PKIB: variants seen among roughly 807,000 people sequenced by gnomAD.
PKIB encodes the protein PKI-beta.
In PKIB, 2 loss-of-function variants were observed where a neutral mutation model predicts 4.5. That is an observed-to-expected ratio of 0.44 (90% CI 0.18 to 1.39). The LOEUF is 1.39. Ranked by LOEUF, PKIB falls within the 40% of genes most tolerant of loss-of-function variation. The pLI is 0.27. For synonymous variants in PKIB, 38 were observed against 36.0 expected (o/e 1.06, Z -0.20); for missense variants, 94 against 92.6 (o/e 1.02, Z -0.06).
intron 2 of PKIB, among the ~76,000 whole-genome samples, chr6:122,501,297 G>GTAGCCCATTA (rs1776227996): frequency 6.6e-6 from 1 of 152,202 alleles, no homozygotes; most frequent in Non-Finnish European, 1.5e-5. Context: ...GGGGCTACAG[G>GTAGCCCATTA]CATTGGGTAA....
At chr6:122,615,055 AG>A (rs1301152454) in intron 1 of PKIB, among the ~76,000 whole-genome samples, 1 of 152,138 alleles carries the variant, frequency 6.6e-6, no homozygotes, top group Non-Finnish European at 1.5e-5. Context: ...GTTTGCAAAA[AG>A]TCTATCAAGC....
intron 3 of PKIB, among the ~76,000 whole-genome samples, chr6:122,700,306 T>G (rs1343876907): frequency 7.0e-6 from 1 of 143,040 alleles, no homozygotes; most frequent in Non-Finnish European, 1.5e-5. Flanking sequence ...TTGGTGGTGG[T>G]GGGGTGGTGG....
intron 2 of PKIB, among the ~76,000 whole-genome samples, chr6:122,525,647 G>A (rs1777073269): frequency 6.6e-6 from 1 of 152,108 alleles, no homozygotes; most frequent in Non-Finnish European, 1.5e-5. Context: ...CTAAAAAGAT[G>A]TACATACTTT....
chr6:122,698,962 C>A (rs79948830), intron 3 of PKIB, among the ~76,000 whole-genome samples: 5,920 of 152,184 alleles, frequency 0.039, 168 homozygotes, highest in Non-Finnish European at 0.059. Context: ...TGTGAAATAT[C>A]CACCCTTTTT....
intron 3 of PKIB, among the ~76,000 whole-genome samples, chr6:122,602,422 C>G (rs1452036567): frequency 6.6e-6 from 1 of 152,160 alleles, no homozygotes; most frequent in Admixed American, 6.5e-5. Flanking sequence ...GCATCTTAGC[C>G]TCAATGTTCT....
intron 2 of PKIB, among the ~76,000 whole-genome samples, chr6:122,638,594 T>C (rs1776016284): frequency 6.6e-6 from 1 of 152,242 alleles, no homozygotes; most frequent in Non-Finnish European, 1.5e-5. Context: ...AGGGCTCAAA[T>C]TGCCCCAAGT....
intron 3 of PKIB, among the ~76,000 whole-genome samples, chr6:122,684,031 A>C (rs1225832049): frequency 6.6e-6 from 1 of 152,216 alleles, no homozygotes; most frequent in Non-Finnish European, 1.5e-5. Flanking sequence ...AAAGAAGACA[A>C]TTCTATTAAG....
chr6:122,605,431 A>G (rs192529247), upstream of PKIB, among the ~76,000 whole-genome samples: 221 of 152,302 alleles, frequency 1.5e-3, 1 homozygote, highest in African/African-American at 5.0e-3. Flanking sequence ...CAGCTGGAGG[A>G]AAAGTTAGCA....
At chr6:122,611,974 A>G (rs1423041175) in intron 1 of PKIB, among the ~76,000 whole-genome samples, 1 of 152,210 alleles carries the variant, frequency 6.6e-6, no homozygotes, top group African/African-American at 2.4e-5. Flanking sequence ...ATCTTTTGGA[A>G]AACGTTTTTA....
chr6:122,541,416 GTATTTTATTTCTCCTTCACTTA>G (rs1777596467), intron 2 of PKIB, among the ~76,000 whole-genome samples: 1 of 151,748 alleles, frequency 6.6e-6, no homozygotes, highest in South Asian at 2.1e-4. Flanking sequence ...TGTCTGTAAA[GTATTTTATTTCTCCTTCACTTA>G]TGAAGCTTAG....
intron 2 of PKIB, among the ~76,000 whole-genome samples, chr6:122,499,922 CA>C (rs940767913): frequency 6.6e-5 from 10 of 151,896 alleles, no homozygotes; most frequent in African/African-American, 9.7e-5. Flanking sequence ...AGTGGAGATC[CA>C]ACTCAAGAAT....
intron 2 of PKIB, among the ~76,000 whole-genome samples, chr6:122,568,656 G>T (rs1371109957): frequency 2.6e-5 from 4 of 152,126 alleles, no homozygotes; most frequent in Admixed American, 2.6e-4. Context: ...CTCAGGAAGT[G>T]GGTTGCAGGT....
At chr6:122,581,178 T>C (rs1257710613) in intron 2 of PKIB, among the ~76,000 whole-genome samples, 5 of 152,164 alleles carry the variant, frequency 3.3e-5, no homozygotes, top group Non-Finnish European at 7.4e-5. Flanking sequence ...TTTGGAAGAA[T>C]TTAACCATTA....
chr6:122,651,939 C>G (rs1434948383), intron 2 of PKIB, among the ~76,000 whole-genome samples: 2 of 152,156 alleles, frequency 1.3e-5, no homozygotes, highest in Admixed American at 6.5e-5. Context: ...TTGCCTTTTA[C>G]AAATATTTGA....
intron 3 of PKIB, among the ~76,000 whole-genome samples, chr6:122,702,167 A>G (rs1289240264): frequency 6.6e-6 from 1 of 151,916 alleles, no homozygotes. Context: ...TGAGTGTGCA[A>G]ATTTCCAACT....
chr6:122,633,099 A>T (rs902287851), intron 1 of PKIB, among the ~76,000 whole-genome samples, 184 bp from the exon 2 acceptor site: 2 of 152,180 alleles, frequency 1.3e-5, no homozygotes, highest in Non-Finnish European at 2.9e-5. Flanking sequence ...GCTATCAGAG[A>T]AACTGAATAA....
chr6:122,594,211 C>CTT (rs79586746), intron 3 of PKIB, among the ~76,000 whole-genome samples: 17 of 142,696 alleles, frequency 1.2e-4, no homozygotes, highest in South Asian at 2.3e-4. Flanking sequence ...AAAATTAAGA[C>CTT]TTTTTTTTTT....
At chr6:122,488,557 G>C (rs1298954835) in intron 2 of PKIB, among the ~76,000 whole-genome samples, 1 of 152,000 alleles carries the variant, frequency 6.6e-6, no homozygotes, top group Non-Finnish European at 1.5e-5. Flanking sequence ...TCAGATTCCA[G>C]AGTAGTTGGG....
In PKIB at chr6:122,640,072, C is replaced by T. The variant is rs144280163; in HGVS notation, c.-76+6705C>T. 5.3e-5 allele frequency among the ~76,000 whole-genome samples: 8 copies of T among 152,180 alleles called. No individual in the cohort carries two copies. The East Asian group carries it at 7.7e-4, about 15-fold the overall frequency. ...CTACATCAGAGAAAAGGAGATAGTA[C>T]GTGTCACGGGGCTGTGGTGAGAAGA... is the stretch of plus-strand genomic sequence containing the variant. On this transcript the variant is annotated intron_variant, in intron 2 of 4. Transcript: ENST00000368452.
Sources: allele counts gnomAD v4.1 joint callset (sites outside exome capture counted in the v4.1 genomes callset), GRCh38; gene constraint gnomAD v4.1.1; transcripts MANE v1.5; gene names NCBI Gene and HGNC (gene_info 2026-07-23, HGNC 2026-07-21).